Variants in TBATA observed in about 807,000 individuals in gnomAD.
The protein encoded by TBATA is thymus, brain and testes associated, also known as protein TBATA.
Under a neutral mutation model 38.7 loss-of-function variants are expected in TBATA, and 47 were observed. That is an observed-to-expected ratio of 1.21 (90% CI 0.96 to 1.55). The LOEUF (loss-of-function observed/expected upper bound fraction) is 1.55. TBATA is among the 40% of genes most tolerant of loss of function. TBATA has a pLI of 0.00. For missense variants in TBATA, 436 were observed against 435.6 expected (o/e 1.00, Z -0.01); for synonymous variants, 183 against 170.5 (o/e 1.07, Z -0.57).
At position 70,784,717 on chromosome 10, in the gene TBATA, G is replaced by A. The variant is rs983927720; in HGVS notation, c.-217C>T. On this transcript the variant is annotated 5_prime_UTR_variant, in exon 2 of 11. Transcript: ENST00000456372. ...TTGATGTCAGGTACTGGGCTCTAGA[G>A]TACTGAGATGCTACAATCTTGAGAA... 1 of 152,180 alleles carries A rather than the reference G, an allele frequency of 6.6e-6. No homozygotes were observed. Among genetic ancestry groups the A allele is most frequent in the Non-Finnish European group, 1.5e-5 (1 of 68,046 alleles). 9.4% of individuals were successfully genotyped at this position (152,180 alleles called of 1,614,324 possible). A position where few individuals can be genotyped will look rare whatever the true frequency, so the allele number is the denominator to read the frequency against.
chr10:70,783,194 T>C, intron 3 of TBATA, 145 bp downstream of exon 3: 1 of 894,316 alleles, frequency 1.1e-6, no homozygotes. Context: ...CATTGGGGGG[T>C]CTGGCTGACC....
Position 70,781,960 on chromosome 10 carries a change from C to A in TBATA, c.118G>T (p.Glu40Ter), listed in dbSNP as rs1273299385. ...TCCACAATCCCTGGGATCACCAGTT[C>A]TTTCTGTGGCCCACTGTCCCTGGGG... ...RSPRDSGPQK[E>*]LVIPGIVDFE... The change falls in exon 4 of 11, where the codon GAA (glutamate) becomes TAA (stop). Residue 40 changes from glutamate (E) to a stop codon, truncating the protein, a stop_gained. Coordinates refer to ENST00000456372, the MANE Select transcript of TBATA (RefSeq NM_001318241.2). LOFTEE classifies it high-confidence loss of function. 1 of 1,614,238 alleles carries A rather than the reference C, an allele frequency of 6.2e-7. No individual in the cohort carries two copies. The highest frequency in any genetic ancestry group is 1.1e-5 in the South Asian group (1 of 91,090).
At chr10:70,781,649 C>A in intron 4 of TBATA, 152 bp downstream of exon 4, 1 of 738,618 alleles carries the variant, frequency 1.4e-6, no homozygotes, top group South Asian at 1.8e-5. Flanking sequence ...ACTGAGCAGT[C>A]CTGGCTGGGT....
chr10:70,783,254 G>C, intron 3 of TBATA, 85 bp downstream of exon 3: 1 of 1,497,340 alleles, frequency 6.7e-7, no homozygotes, highest in Non-Finnish European at 9.3e-7. Flanking sequence ...CTAATCTGTT[G>C]AGATCCCCCA....
chr10:70,782,070 G>A, intron 3 of TBATA, 34 bp from the exon 4 acceptor site: 1 of 1,600,966 alleles, frequency 6.2e-7, no homozygotes, highest in Non-Finnish European at 8.5e-7. Context: ...AGCTAATGGA[G>A]TCTCCTCTGG....
At chr10:70,781,237 T>C (rs1844173575) in intron 4 of TBATA, among the ~76,000 whole-genome samples, 1 of 152,120 alleles carries the variant, frequency 6.6e-6, no homozygotes, top group Non-Finnish European at 1.5e-5. Flanking sequence ...TCCTGTGTAG[T>C]TCTTTGCTCA....
rs1843132749 is a variant in TBATA at position 70,774,475 on chromosome 10, C to T, written c.776-118G>A. On this transcript the variant is annotated intron_variant, in intron 8 of 10. Transcript: ENST00000456372. ...CTTTCTCTAAGCATCCCACCTTCTG[C>T]CCTCAGGTCCCCTCGGGAGAGCTCC... is the stretch of plus-strand genomic sequence containing the variant. The T allele has an allele frequency of 8.9e-5, 85 of 955,628 alleles. 2 individuals are homozygous for T. The South Asian group carries it at 1.4e-3, about 15-fold the overall frequency. 59.2% of individuals were successfully genotyped at this position (955,628 alleles called of 1,614,324 possible).
chr10:70,771,560 A>G lies in TBATA; in HGVS notation c.974-99T>C, dbSNP rs963567398. 20 of 1,107,104 alleles carry G rather than the reference A, an allele frequency of 1.8e-5. No homozygotes were observed. In the African/African-American group the frequency reaches 3.1e-4, roughly 17 times the overall value. 68.6% of individuals were successfully genotyped at this position (1,107,104 alleles called of 1,614,324 possible). On this transcript the variant is annotated intron_variant, in intron 10 of 10. Transcript: ENST00000456372. ...GTGTGAGTGCTGAGGGGAAGGTCTG[A>G]GTCAAGCCCAGCTCCTGCTCTCAGC...
intron 7 of TBATA, among the ~76,000 whole-genome samples, chr10:70,776,123 C>T (rs1257050522): frequency 1.3e-5 from 2 of 152,118 alleles, no homozygotes; most frequent in South Asian, 2.1e-4. Context: ...CAGCTCCTGG[C>T]GGTCAGTCAT....
intron 3 of TBATA, among the ~76,000 whole-genome samples, chr10:70,782,954 C>T (rs1016967063): frequency 1.3e-5 from 2 of 152,242 alleles, no homozygotes; most frequent in Non-Finnish European, 2.9e-5. Flanking sequence ...CCCTGAGTTT[C>T]CTGTTCCATT....
At chr10:70,775,017 T>G (rs1843205744) in intron 8 of TBATA, among the ~76,000 whole-genome samples, 172 bp downstream of exon 8, 1 of 152,166 alleles carries the variant, frequency 6.6e-6, no homozygotes, top group South Asian at 2.1e-4. Context: ...GAAGCAGAGA[T>G]GCTGTCCAGC....
intron 2 of TBATA, among the ~76,000 whole-genome samples, 152 bp downstream of exon 2, chr10:70,784,495 A>G (rs1053882192): frequency 5.9e-5 from 9 of 152,192 alleles, no homozygotes; most frequent in Admixed American, 5.9e-4. Context: ...ATTAACCCTC[A>G]GAGTCACAGA....
intron 7 of TBATA, chr10:70,776,263 C>T (rs576754508): frequency 7.4e-5 from 33 of 445,178 alleles, no homozygotes; most frequent in South Asian, 1.9e-4. Context: ...GATGCCCACC[C>T]GCTGTGCTGA....
chr10:70,782,509 T>C, intron 3 of TBATA: 10 of 1,281,134 alleles, frequency 7.8e-6, no homozygotes, highest in Non-Finnish European at 1.0e-5. Flanking sequence ...AGGAGTAGTC[T>C]TGGCTCAGAC....
rs1842774640 is a variant in TBATA at position 70,771,371 on chromosome 10, G to A, written c.*5C>T. Reference sequence around the variant, plus strand: ...GAGCAAGGCAGGTGCAAGTGTTAGGGCCCCTCAGCTCTCTGCCCTCGGCTT... The same window carrying A: ...GAGCAAGGCAGGTGCAAGTGTTAGGACCCCTCAGCTCTCTGCCCTCGGCTT... On this transcript the variant is annotated 3_prime_UTR_variant, in exon 11 of 11. Coordinates refer to ENST00000456372, the MANE Select transcript of TBATA (RefSeq NM_001318241.2). 6.2e-7 allele frequency: 1 copy of A among 1,614,068 alleles called. No homozygotes were observed. Among genetic ancestry groups the A allele is most frequent in the Non-Finnish European group, 8.5e-7 (1 of 1,180,030 alleles).
chr10:70,779,521 C>T, intron 5 of TBATA, 72 bp downstream of exon 5: 1 of 1,416,084 alleles, frequency 7.1e-7, no homozygotes, highest in South Asian at 1.8e-5. Context: ...TTCTGGGCAC[C>T]CACCCAAGTG....
At position 70,782,045 on chromosome 10, in the gene TBATA, G is replaced by A. The variant is rs1264440477; in HGVS notation, c.42-9C>T. On this transcript the variant is annotated splice_polypyrimidine_tract_variant and intron_variant, in intron 3 of 10. Coordinates refer to ENST00000456372, the MANE Select transcript of TBATA (RefSeq NM_001318241.2). The stretch of plus-strand genomic sequence containing the variant: ...TCAGCTCAGCCTTTGGACTGAAGGA[G>A]GGGGTTTCAGGAGAAGCTAATGGAG... 2 of 1,613,722 alleles carry A rather than the reference G, an allele frequency of 1.2e-6. No individual in the cohort carries two copies. Among genetic ancestry groups the A allele is most frequent in the Non-Finnish European group, 8.5e-7 (1 of 1,179,798 alleles).
chr10:70,773,812 C>A (rs1325453377), intron 9 of TBATA, among the ~76,000 whole-genome samples: 7 of 152,196 alleles, frequency 4.6e-5, no homozygotes, highest in Non-Finnish European at 1.0e-4. Flanking sequence ...TCCCCCAGTT[C>A]GTAATTAATC....
At position 70,783,404 on chromosome 10, in the gene TBATA, G is replaced by C. The variant is rs1347816397; in HGVS notation, c.-25C>G. 6.2e-7 allele frequency: 1 copy of C among 1,613,806 alleles called. No individual in the cohort carries two copies. The highest frequency in any genetic ancestry group is 2.2e-5 in the East Asian group (1 of 44,884). On this transcript the variant is annotated 5_prime_UTR_variant, in exon 3 of 11. Transcript: ENST00000456372. ...TTGTATGCTTTTTAACAGACTAAAGGCCAGTGCACTTAATACTAGCGTTGA... is the reference window on the plus strand; with the variant it reads ...TTGTATGCTTTTTAACAGACTAAAGCCCAGTGCACTTAATACTAGCGTTGA...
Sources: allele counts gnomAD v4.1 joint callset (sites outside exome capture counted in the v4.1 genomes callset), GRCh38; gene constraint gnomAD v4.1.1; transcripts MANE v1.5; gene names NCBI Gene and HGNC (gene_info 2026-07-23, HGNC 2026-07-21).